Variants in MYO18B observed in about 807,000 individuals in gnomAD.
MYO18B encodes the protein unconventional myosin-XVIIIb.
In MYO18B, 204 loss-of-function variants were observed where a neutral mutation model predicts 273.0. The observed-to-expected ratio is 0.75, with a 90% CI of 0.67 to 0.84. The LOEUF is 0.84. Ranked by LOEUF, MYO18B falls within the 40% of genes least tolerant of loss-of-function variation. MYO18B has a pLI of 0.00. For missense variants in MYO18B, 3,212 were observed against 3,287.6 expected, an observed-to-expected ratio of 0.98 and a Z score of 0.56; for synonymous variants, 1,330 against 1,305.7, an observed-to-expected ratio of 1.02 and a Z score of -0.40.
chr22:25,761,973 A>G (rs2146595414), intron 2 of MYO18B, among the ~76,000 whole-genome samples: 1 of 152,276 alleles, frequency 6.6e-6, no homozygotes, highest in Admixed American at 6.5e-5. Context: ...AATACAAAAA[A>G]TTAACTGGGT....
At chr22:25,758,718 T>A (rs2146576298) in intron 1 of MYO18B, among the ~76,000 whole-genome samples, 1 of 152,006 alleles carries the variant, frequency 6.6e-6, no homozygotes, top group Middle Eastern at 3.4e-3. Context: ...CTAGTGACAG[T>A]AAATGGGCAT....
downstream of MYO18B, among the ~76,000 whole-genome samples, chr22:26,033,930 TTTCC>T (rs958043008): frequency 7.3e-5 from 11 of 151,060 alleles, no homozygotes; most frequent in Admixed American, 2.0e-4. Context: ...CCTTTCTTTC[TTTCC>T]TTCCTTCCTT....
the MYO18B span, among the ~76,000 whole-genome samples, chr22:26,041,473 A>T: frequency 6.6e-6 from 1 of 152,068 alleles, no homozygotes; most frequent in Non-Finnish European, 1.5e-5. Context: ...TAGAGGTTGC[A>T]GGGAACCAAG....
chr22:25,979,591 G>A (rs909653339), intron 39 of MYO18B, among the ~76,000 whole-genome samples: 1 of 152,110 alleles, frequency 6.6e-6, no homozygotes, highest in Non-Finnish European at 1.5e-5. Context: ...TCCCATGATG[G>A]CTATTCTTTG....
the MYO18B span, among the ~76,000 whole-genome samples, chr22:26,056,424 A>T: frequency 6.6e-6 from 1 of 152,330 alleles, no homozygotes; most frequent in African/African-American, 2.4e-5. Flanking sequence ...GGCCCTAACT[A>T]GAACCCAGGT....
At position 25,847,625 on chromosome 22, in the gene MYO18B, C is replaced by G; in HGVS notation, c.3748C>G (p.Leu1250Val). The change falls in exon 20 of 44, where the codon CTG becomes GTG. Residue 1250 changes from leucine to valine, a missense_variant. Transcript: ENST00000335473. ...LRVQLAGFHILEALRLHRTGY... is the reference protein window; with the variant it reads ...LRVQLAGFHIVEALRLHRTGY... ...GGTCCAGCTTGCTGGGTTCCACATC[C>G]TGGAGGCTCTGCGTCTGCATAGGAC... 1.9e-6 allele frequency: 3 copies of G among 1,560,640 alleles called. No individual in the cohort carries two copies. Among genetic ancestry groups the G allele is most frequent in the Non-Finnish European group, 2.6e-6 (3 of 1,152,750 alleles).
At chr22:25,984,627 AAAT>A (rs34901412) in intron 39 of MYO18B, among the ~76,000 whole-genome samples, 78,365 of 150,334 alleles carry the variant, frequency 0.52, 21,454 homozygotes, top group Non-Finnish European at 0.59. Flanking sequence ...CTGTTTCTAC[AAAT>A]AATAATAATA....
At chr22:25,876,617 G>A (rs1601433535) in intron 24 of MYO18B, among the ~76,000 whole-genome samples, 1 of 141,618 alleles carries the variant, frequency 7.1e-6, no homozygotes, top group African/African-American at 2.7e-5. Context: ...TCAATGGGCA[G>A]AGTCTTTGAG....
At chr22:25,804,591 CTGTG>C (rs541626943) in intron 12 of MYO18B, among the ~76,000 whole-genome samples, 9 of 151,956 alleles carry the variant, frequency 5.9e-5, no homozygotes, top group Non-Finnish European at 1.0e-4. Flanking sequence ...AGGTTTTCTT[CTGTG>C]TGTGTGTGTG....
intron 11 of MYO18B, among the ~76,000 whole-genome samples, chr22:25,797,484 A>G (rs1408738257): frequency 6.6e-6 from 1 of 152,140 alleles, no homozygotes; most frequent in East Asian, 1.9e-4. Flanking sequence ...AGCACAACTT[A>G]CCCTACAGAG....
At chr22:26,057,405 T>C in the MYO18B span, among the ~76,000 whole-genome samples, 1 of 152,108 alleles carries the variant, frequency 6.6e-6, no homozygotes, top group African/African-American at 2.4e-5. Context: ...TCTTACTTAA[T>C]CCTTATGAGA....
At chr22:26,044,545 T>TCCCTGA in the MYO18B span, among the ~76,000 whole-genome samples, 1 of 152,264 alleles carries the variant, frequency 6.6e-6, no homozygotes, top group Non-Finnish European at 1.5e-5. Flanking sequence ...TATTTAATTC[T>TCCCTGA]CCCTGACACG....
chr22:25,874,300 A>G lies in MYO18B; in HGVS notation c.3966A>G (p.Ala1322=), dbSNP rs372309790. The G allele has an allele frequency of 2.7e-4, 430 of 1,613,756 alleles. No homozygotes were observed. The highest frequency in any genetic ancestry group is 3.4e-4 in the Non-Finnish European group (403 of 1,179,838). The change falls in exon 23 of 44, where the codon GCA becomes GCG. Residue 1322 remains alanine, a synonymous_variant. Transcript: ENST00000335473. ...AVGHSQVFLK[A]GVISRLEKQR... is the part of the protein sequence containing the mutation. ...CCTCTCCCCAGGTTTTTCTCAAGGC[A>G]GGTGTGATCTCCAGGCTTGAGAAGC...
In MYO18B at chr22:26,027,713, A is replaced by C; in HGVS notation, c.*12+23A>C. 6 of 1,559,630 alleles carry C rather than the reference A, an allele frequency of 3.8e-6. No individual in the cohort carries two copies. The highest frequency in any genetic ancestry group is 5.2e-6 in the Non-Finnish European group (6 of 1,152,742). On this transcript the variant is annotated intron_variant, in intron 43 of 43. Coordinates refer to ENST00000335473, the MANE Select transcript of MYO18B (RefSeq NM_032608.7). This position sits in a 1 kb window ranked among gnomAD's most constrained non-coding sequence, Gnocchi z 4.1. Reference sequence around the variant, plus strand: ...CAGGTAAAAGCAACAGGCTGGGGCTATTCTTGGGGGAATGAGAGTTCACCT... The same window carrying C: ...CAGGTAAAAGCAACAGGCTGGGGCTCTTCTTGGGGGAATGAGAGTTCACCT...
At chr22:25,753,220 G>T in intron 1 of MYO18B, among the ~76,000 whole-genome samples, 1 of 152,084 alleles carries the variant, frequency 6.6e-6, no homozygotes, top group Non-Finnish European at 1.5e-5. Context: ...CTGGCCTCCC[G>T]GTCGGCAGGG....
intron 25 of MYO18B, among the ~76,000 whole-genome samples, chr22:25,888,842 C>T (rs905695000): frequency 2.0e-5 from 3 of 152,110 alleles, no homozygotes; most frequent in Non-Finnish European, 2.9e-5. Flanking sequence ...TCTCAGCAGT[C>T]GGTGATGCGG....
chr22:25,859,724 A>G (rs2090675641), intron 21 of MYO18B, among the ~76,000 whole-genome samples: 1 of 151,960 alleles, frequency 6.6e-6, no homozygotes, highest in African/African-American at 2.4e-5. Context: ...TTTATCTTAT[A>G]GAGTTGTACT....
intron 16 of MYO18B, among the ~76,000 whole-genome samples, chr22:25,833,209 C>T (rs1432849807): frequency 2.0e-5 from 3 of 152,196 alleles, no homozygotes; most frequent in Non-Finnish European, 4.4e-5. Context: ...ATTTAAGCAT[C>T]ATCAGGTTGA....
chr22:25,904,418 C>A (rs933178671), intron 31 of MYO18B, among the ~76,000 whole-genome samples: 16 of 152,152 alleles, frequency 1.1e-4, no homozygotes, highest in Admixed American at 1.0e-3. Flanking sequence ...TTAGTATTAT[C>A]CCCACTTTAC....
Sources: allele counts gnomAD v4.1 joint callset (sites outside exome capture counted in the v4.1 genomes callset), GRCh38; gene constraint gnomAD v4.1.1; non-coding constraint Gnocchi (gnomAD v3.1); transcripts MANE v1.5; gene names NCBI Gene and HGNC (gene_info 2026-07-23, HGNC 2026-07-21).